CFAP299: variants seen among roughly 807,000 people sequenced by gnomAD.
CFAP299 encodes cilia and flagella associated protein 299.
In CFAP299, 21 loss-of-function variants were observed where a neutral mutation model predicts 27.0. That is an observed-to-expected ratio of 0.78 (90% CI 0.55 to 1.12). The LOEUF (loss-of-function observed/expected upper bound fraction) is 1.12. Among genes scored for constraint, CFAP299 ranks in the 50% most tolerant of loss-of-function variants. The probability of loss-of-function intolerance (pLI) is 0.00; values close to 1 mark genes in which losing one functional copy is unlikely to be tolerated. For synonymous variants in CFAP299, 104 were observed against 98.1 expected, an observed-to-expected ratio of 1.06 and a Z score of -0.36; for missense variants, 310 against 276.6, an observed-to-expected ratio of 1.12 and a Z score of -0.86.
At chr4:80,947,765 G>A (rs1737550601) in intron 5 of CFAP299, among the ~76,000 whole-genome samples, 1 of 152,004 alleles carries the variant, frequency 6.6e-6, no homozygotes. Flanking sequence ...AATTATTGTG[G>A]ACAAGATGTA....
At chr4:80,751,911 C>T (rs763547407) in intron 3 of CFAP299, among the ~76,000 whole-genome samples, 17 of 152,088 alleles carry the variant, frequency 1.1e-4, no homozygotes, top group Non-Finnish European at 2.4e-4. Context: ...GGGATATGGA[C>T]GGATGTATTT....
chr4:80,388,222 C>A, intron 2 of CFAP299: 1 of 698,418 alleles, frequency 1.4e-6, no homozygotes. Context: ...AATGCATGTT[C>A]AGGCTGCTCT....
chr4:80,876,150 C>T (rs1220709026), intron 4 of CFAP299, among the ~76,000 whole-genome samples: 1 of 148,098 alleles, frequency 6.8e-6, no homozygotes, highest in Non-Finnish European at 1.5e-5. Context: ...TTATATATTA[C>T]ATTTATAAAT....
intron 2 of CFAP299, among the ~76,000 whole-genome samples, chr4:80,549,063 A>G (rs1734378129): frequency 6.6e-6 from 1 of 152,132 alleles, no homozygotes; most frequent in Non-Finnish European, 1.5e-5. Context: ...TGAGAGGAAG[A>G]GAGTGGCAAG....
intron 3 of CFAP299, among the ~76,000 whole-genome samples, chr4:80,850,707 T>A (rs1731469804): frequency 1.3e-5 from 2 of 152,044 alleles, no homozygotes; most frequent in South Asian, 4.1e-4. Flanking sequence ...AACAGGAGAA[T>A]CATATGCTGA....
intron 2 of CFAP299, among the ~76,000 whole-genome samples, chr4:80,500,000 A>C (rs1731663526): frequency 6.6e-6 from 1 of 151,700 alleles, no homozygotes; most frequent in Admixed American, 6.6e-5. Flanking sequence ...TGAATGACGG[A>C]CTTTAGCATT....
chr4:80,472,541 C>T (rs72862022), intron 2 of CFAP299, among the ~76,000 whole-genome samples: 5,749 of 152,248 alleles, frequency 0.038, 209 homozygotes, highest in South Asian at 0.093. Flanking sequence ...TCTCTATTGA[C>T]TTCAACAGGG....
intron 3 of CFAP299, among the ~76,000 whole-genome samples, chr4:80,850,778 C>T (rs543746046): frequency 5.3e-5 from 8 of 152,006 alleles, no homozygotes; most frequent in South Asian, 2.1e-4. Context: ...GAGGAATGAA[C>T]GGTATCCAGG....
chr4:80,398,255 A>G (rs1211149198), intron 2 of CFAP299, among the ~76,000 whole-genome samples: 2 of 152,232 alleles, frequency 1.3e-5, no homozygotes, highest in Admixed American at 6.5e-5. Flanking sequence ...GAAAATGGCC[A>G]TACTGCCCAA....
At chr4:80,788,228 G>T (rs1024926247) in intron 3 of CFAP299, among the ~76,000 whole-genome samples, 1 of 151,968 alleles carries the variant, frequency 6.6e-6, no homozygotes, top group Admixed American at 6.6e-5. Flanking sequence ...AAAGAATCTG[G>T]TCTTACCTGT....
chr4:80,558,364 T>TTTTC (rs1734882990), intron 2 of CFAP299, among the ~76,000 whole-genome samples: 1 of 140,674 alleles, frequency 7.1e-6, no homozygotes, highest in African/African-American at 2.7e-5. Context: ...GTTTGTTTGT[T>TTTTC]TGTTTTTTTT....
intron 3 of CFAP299, among the ~76,000 whole-genome samples, chr4:80,590,276 A>G (rs1404469677): frequency 6.6e-6 from 1 of 152,224 alleles, no homozygotes; most frequent in Non-Finnish European, 1.5e-5. Context: ...TGGATTACTA[A>G]CTGTATTTAA....
chr4:80,486,870 C>A (rs978185560), intron 2 of CFAP299, among the ~76,000 whole-genome samples: 1 of 152,090 alleles, frequency 6.6e-6, no homozygotes, highest in Non-Finnish European at 1.5e-5. Flanking sequence ...TTGGCTGGGG[C>A]CCTCATTAGT....
chr4:80,953,619 T>C (rs1475303579), intron 5 of CFAP299, among the ~76,000 whole-genome samples: 2 of 152,180 alleles, frequency 1.3e-5, no homozygotes, highest in Non-Finnish European at 2.9e-5. Context: ...TTTAATTTTA[T>C]ATGCAGTATT....
chr4:80,928,433 C>A (rs1266730769), intron 4 of CFAP299, among the ~76,000 whole-genome samples: 1 of 151,980 alleles, frequency 6.6e-6, no homozygotes, highest in Admixed American at 6.6e-5. Context: ...AATTACTATT[C>A]TAGAAAAGTC....
At chr4:80,739,018 A>G (rs902680804) in intron 3 of CFAP299, among the ~76,000 whole-genome samples, 1 of 152,136 alleles carries the variant, frequency 6.6e-6, no homozygotes, top group African/African-American at 2.4e-5. Flanking sequence ...CAAACAAACA[A>G]ACATGCAAAA....
At position 80,821,754 on chromosome 4, in the gene CFAP299, A is replaced by G. The variant is rs534631448; in HGVS notation, c.334-48239A>G. On this transcript the variant is annotated intron_variant, in intron 3 of 5. Transcript: ENST00000358105. Reference sequence around the variant, plus strand: ...GATGGCCGGCTGGGCCTCCCTGTACACAGCACACGAATAATAAACAGAGGC... The same window carrying G: ...GATGGCCGGCTGGGCCTCCCTGTACGCAGCACACGAATAATAAACAGAGGC... Among the ~76,000 whole-genome samples, 41 of 152,250 alleles carry G rather than the reference A, an allele frequency of 2.7e-4. 1 individual carries two copies. The highest frequency in any genetic ancestry group is 6.5e-4 in the Admixed American group (10 of 15,292).
At chr4:80,511,765 T>G (rs1051265801) in intron 2 of CFAP299, among the ~76,000 whole-genome samples, 1 of 151,820 alleles carries the variant, frequency 6.6e-6, no homozygotes, top group African/African-American at 2.4e-5. Flanking sequence ...TTGACTAGAG[T>G]GAATCTTTTT....
At chr4:80,559,114 T>G (rs1256651286) in intron 2 of CFAP299, among the ~76,000 whole-genome samples, 1 of 152,176 alleles carries the variant, frequency 6.6e-6, no homozygotes, top group Non-Finnish European at 1.5e-5. Context: ...ATGTTCAAAA[T>G]GGCTTCTTTA....
Sources: gnomAD v4.1 joint callset for allele counts (sites outside exome capture counted in the v4.1 genomes callset) on GRCh38, gnomAD v4.1.1 for gene constraint, MANE v1.5 for transcripts, NCBI Gene and HGNC (gene_info 2026-07-23, HGNC 2026-07-21) for gene names.